MTCL2: variants seen among roughly 807,000 people sequenced by gnomAD.
The protein encoded by MTCL2 is microtubule crosslinking factor 2, also known as microtubule cross-linking factor 2.
At chr20:36,830,733 A>G in the MTCL2 span, among the ~76,000 whole-genome samples, 1 of 152,208 alleles carries the variant, frequency 6.6e-6, no homozygotes, top group Admixed American at 6.5e-5. Context: ...CTCCTCAACT[A>G]TAAAATGAAC....
chr20:36,785,541 T>A, the MTCL2 span: 4 of 985,324 alleles, frequency 4.1e-6, no homozygotes, highest in Non-Finnish European at 4.8e-6. Flanking sequence ...TTACTGGGAA[T>A]ATCTTTGCCC....
chr20:36,831,957 C>T, the MTCL2 span, among the ~76,000 whole-genome samples: 6 of 152,362 alleles, frequency 3.9e-5, no homozygotes, highest in Middle Eastern at 3.4e-3. Context: ...CACTCACTCA[C>T]TCATCCTGCT....
the MTCL2 span, among the ~76,000 whole-genome samples, chr20:36,819,555 G>C: frequency 8.6e-5 from 13 of 150,340 alleles, no homozygotes; most frequent in Non-Finnish European, 1.3e-4. Flanking sequence ...TCTCTGATGA[G>C]GGCCAGAGTG....
the MTCL2 span, among the ~76,000 whole-genome samples, chr20:36,798,402 A>G: frequency 3.3e-5 from 5 of 152,304 alleles, no homozygotes; most frequent in East Asian, 7.7e-4. Context: ...GAAACAGTGT[A>G]TGATAGGTGT....
At chr20:36,837,640 C>T in the MTCL2 span, among the ~76,000 whole-genome samples, 1 of 150,442 alleles carries the variant, frequency 6.6e-6, no homozygotes, top group Non-Finnish European at 1.5e-5. Flanking sequence ...TGCAGTGGCG[C>T]GATCTCAGCT....
the MTCL2 span, among the ~76,000 whole-genome samples, chr20:36,860,371 A>G: frequency 2.0e-5 from 3 of 152,106 alleles, no homozygotes; most frequent in African/African-American, 7.2e-5. Context: ...TTGTATGACT[A>G]TTGTTTAATT....
the MTCL2 span, among the ~76,000 whole-genome samples, chr20:36,810,717 C>CTCTCTCTCTCTCTCTCT: frequency 1.3e-4 from 12 of 94,194 alleles, no homozygotes; most frequent in African/African-American, 2.8e-4. Flanking sequence ...TCTCTCTCTC[C>CTCTCTCTCTCTCTCTCT]CTCTCTCTCT....
chr20:36,784,729 G>C, the MTCL2 span: 8 of 985,582 alleles, frequency 8.1e-6, no homozygotes, highest in Non-Finnish European at 9.6e-6. Flanking sequence ...CACAGGGGAC[G>C]TGAGGAAGGG....
At chr20:36,792,835 T>TATAGATAG in the MTCL2 span, among the ~76,000 whole-genome samples, 13 of 148,988 alleles carry the variant, frequency 8.7e-5, no homozygotes, top group African/African-American at 2.7e-4. Context: ...TATATAGATA[T>TATAGATAG]ATAGATAGAT....
At chr20:36,786,679 C>CA in the MTCL2 span, 2 of 1,517,016 alleles carry the variant, frequency 1.3e-6, no homozygotes, top group Non-Finnish European at 8.9e-7. Context: ...CAAGAGGAGC[C>CA]AGGAGACATG....
At chr20:36,804,724 G>A in the MTCL2 span, 21 of 1,610,810 alleles carry the variant, frequency 1.3e-5, no homozygotes, top group Non-Finnish European at 1.7e-5. Context: ...TCTGACAGGT[G>A]GGGGGCTCAC....
At chr20:36,807,050 C>T in the MTCL2 span, among the ~76,000 whole-genome samples, 4 of 152,136 alleles carry the variant, frequency 2.6e-5, no homozygotes, top group South Asian at 4.1e-4. Context: ...TGTTTCCAAA[C>T]GTCACAGAAG....
chr20:36,807,405 GC>G, the MTCL2 span, among the ~76,000 whole-genome samples: 1 of 152,130 alleles, frequency 6.6e-6, no homozygotes, highest in Non-Finnish European at 1.5e-5. Context: ...CTAGAGGAGG[GC>G]CAAGCCTGGG....
the MTCL2 span, among the ~76,000 whole-genome samples, chr20:36,797,123 C>T: frequency 6.6e-6 from 1 of 152,080 alleles, no homozygotes; most frequent in Non-Finnish European, 1.5e-5. Context: ...ATCCAACTCC[C>T]CCACCATATG....
chr20:36,829,397 C>T, the MTCL2 span, among the ~76,000 whole-genome samples: 1 of 151,972 alleles, frequency 6.6e-6, no homozygotes, highest in African/African-American at 2.4e-5. Context: ...ATGAAGGAAG[C>T]AGTAGAACCA....
chr20:36,862,679 G>A, the MTCL2 span: 11 of 1,499,878 alleles, frequency 7.3e-6, no homozygotes, highest in South Asian at 1.4e-4. Context: ...CGTTCTCCGA[G>A]CGCAGCTCCT....
At chr20:36,784,367 A>G in the MTCL2 span, 1 of 985,718 alleles carries the variant, frequency 1.0e-6, no homozygotes, top group Non-Finnish European at 1.2e-6. Context: ...GCCTGCAGGG[A>G]AGGGAGATGC....
At chr20:36,792,794 C>G in the MTCL2 span, among the ~76,000 whole-genome samples, 1 of 152,040 alleles carries the variant, frequency 6.6e-6, no homozygotes, top group Admixed American at 6.6e-5. Context: ...TCCTGGAACA[C>G]ATGGCCATAT....
the MTCL2 span, among the ~76,000 whole-genome samples, chr20:36,855,747 C>G: frequency 6.6e-5 from 10 of 151,892 alleles, no homozygotes; most frequent in African/African-American, 1.9e-4. Flanking sequence ...GTCAGCCTCC[C>G]AAGTGCCCCA....
Sources: gnomAD v4.1 joint callset for allele counts (sites outside exome capture counted in the v4.1 genomes callset) on GRCh38, gnomAD v4.1.1 for gene constraint, MANE v1.5 for transcripts, NCBI Gene and HGNC (gene_info 2026-07-23, HGNC 2026-07-21) for gene names.